MAP1A: variants seen among roughly 807,000 people sequenced by gnomAD.
MAP1A encodes the protein microtubule-associated protein 1A.
MAP1A carries 42 observed loss-of-function variants against 185.9 expected under a neutral mutation model. That is an observed-to-expected ratio of 0.23 (90% CI 0.18 to 0.29). The LOEUF is 0.29. Among genes scored for constraint, MAP1A ranks in the 10% least tolerant of loss-of-function variants. The pLI is 1.00. For synonymous variants in MAP1A, 1,229 were observed against 1,335.9 expected (o/e 0.92, Z 1.74); for missense variants, 2,995 against 3,450.4 (o/e 0.87, Z 3.31).
In MAP1A at chr15:43,525,795, A is replaced by G; in HGVS notation, c.4322A>G (p.Lys1441Arg). The change falls in exon 4 of 6, where the codon AAG becomes AGG. Residue 1441 changes from lysine to arginine, a missense_variant. Transcript: ENST00000300231. ...GACAAAGACTTAGAAGAAAAAGACA[A>G]GGCCCTGGAACAGAAGGATAAGATT... Reference protein sequence around the residue: ...PKDKDLEEKDKALEQKDKIPE... With the variant: ...PKDKDLEEKDRALEQKDKIPE... The G allele has an allele frequency of 1.9e-6, 3 of 1,613,976 alleles. No individual in the cohort carries two copies. The highest frequency in any genetic ancestry group is 2.5e-6 in the Non-Finnish European group (3 of 1,179,996).
Position 43,526,283 on chromosome 15 carries a change from G to A in MAP1A, c.4810G>A (p.Val1604Ile). 1 of 1,614,154 alleles carries A rather than the reference G, an allele frequency of 6.2e-7. No homozygotes were observed. Among genetic ancestry groups the A allele is most frequent in the Non-Finnish European group, 8.5e-7 (1 of 1,180,030 alleles). ...KMLEEKSPEKVKAMEEKLEAL... is the reference protein window; with the variant it reads ...KMLEEKSPEKIKAMEEKLEAL... ...GCTAGAGGAAAAATCCCCAGAAAAGGTCAAGGCCATGGAAGAGAAGTTAGA... is the reference window on the plus strand; with the variant it reads ...GCTAGAGGAAAAATCCCCAGAAAAGATCAAGGCCATGGAAGAGAAGTTAGA... Residue 1604 changes from valine to isoleucine, a missense_variant, in exon 4 of 6, where the codon GTC becomes ATC. By Grantham distance (29) the Val-to-Ile change is conservative (BLOSUM62 3). This residue lies in a region of MAP1A where 2,728 missense variants were observed against 2,986.0 expected (regional missense o/e 0.91). Transcript: ENST00000300231. This position sits in a 1 kb window ranked among gnomAD's most constrained non-coding sequence, Gnocchi z 4.7.
rs2079370352 is a variant in MAP1A, at chr15:43,531,213, T to C, written c.*989T>C. On this transcript the variant is annotated 3_prime_UTR_variant, in exon 6 of 6. Transcript: ENST00000300231. ...ACTGGCTGCCTCTCCAAACCCGCTC[T>C]TGGACAGAGGATCTGGGAGGTGGAA... The C allele has an allele frequency of 6.6e-6, 1 of 152,652 alleles. No homozygotes were observed. Among genetic ancestry groups the C allele is most frequent in the African/African-American group, 2.4e-5 (1 of 41,430 alleles). 9.5% of individuals were successfully genotyped at this position (152,652 alleles called of 1,614,324 possible). A position where few individuals can be genotyped will look rare whatever the true frequency, so the allele number is the denominator to read the frequency against.
In MAP1A at chr15:43,528,315, C is replaced by T. The variant is rs201617193; in HGVS notation, c.6842C>T (p.Ala2281Val). The change falls in exon 4 of 6, where the codon GCT becomes GTT. Residue 2281 changes from alanine to valine, a missense_variant. Physicochemically the swap from Ala to Val is moderately conservative, Grantham distance 64. This residue lies in a region of MAP1A where 2,728 missense variants were observed against 2,986.0 expected (regional missense o/e 0.91). Coordinates refer to ENST00000300231, the MANE Select transcript of MAP1A (RefSeq NM_002373.6). The part of the protein sequence containing the change: ...VAERFSPSLE[A>V]AEQESGELDP... ...GAGCGCTTCTCTCCAAGCCTTGAGG[C>T]TGCAGAACAGGAGTCTGGAGAGCTG... 2.3e-5 allele frequency: 37 copies of T among 1,614,124 alleles called. No individual in the cohort carries two copies. In the East Asian group the frequency reaches 7.8e-4, roughly 34 times the overall value.
chr15:43,523,140 A>G lies in MAP1A; in HGVS notation c.1667A>G (p.Asp556Gly). ...GAACAAAGGGACACAGGACTAGGAG[A>G]TAAGCCATTCCCTCTAGACACTGCA... ...LAEQRDTGLGDKPFPLDTAEE... is the reference protein window; with the variant it reads ...LAEQRDTGLGGKPFPLDTAEE... Residue 556 changes from aspartate to glycine, a missense_variant, in exon 4 of 6, where the codon GAT (aspartate) becomes GGT (glycine). By Grantham distance (94) the Asp-to-Gly change is moderately conservative (BLOSUM62 -1). Coordinates refer to ENST00000300231, the MANE Select transcript of MAP1A (RefSeq NM_002373.6). 6.2e-7 allele frequency: 1 copy of G among 1,614,160 alleles called. No individual in the cohort carries two copies. The highest frequency in any genetic ancestry group is 8.5e-7 in the Non-Finnish European group (1 of 1,180,032).
chr15:43,515,227 A>T (rs965523217), upstream of MAP1A, among the ~76,000 whole-genome samples: 4 of 152,098 alleles, frequency 2.6e-5, no homozygotes, highest in African/African-American at 9.7e-5. Context: ...AATAAATAAA[A>T]ATACAGGCTG....
Position 43,529,360 on chromosome 15 carries a change from A to T in MAP1A, c.7887A>T (p.Ser2629=). The part of the protein sequence containing the change: ...ARRLDLRGKR[S]PTPGKGPADR... ...GTCTGGATCTTCGGGGAAAACGCTC[A>T]CCCACCCCTGGTAAAGGGCCTGCAG... The change falls in exon 4 of 6, where the codon TCA becomes TCT. Residue 2629 remains serine (S), a synonymous_variant. Transcript: ENST00000300231. The surrounding 1 kb of genome is among the most constrained non-coding windows in gnomAD (Gnocchi z 4.3). The T allele has an allele frequency of 6.2e-7, 1 of 1,613,776 alleles. No individual in the cohort carries two copies. The highest frequency in any genetic ancestry group is 1.1e-5 in the South Asian group (1 of 91,068).
Position 43,529,269 on chromosome 15 carries a change from A to G in MAP1A, c.7796A>G (p.Glu2599Gly). ...AGAGTAGAGAGGCTACGGGAGAAGG[A>G]AAAGGTTCAGGGGCGAGTAGGGCGC... Reference protein sequence around the residue: ...SGRVERLREKEKVQGRVGRRA... With the variant: ...SGRVERLREKGKVQGRVGRRA... The change falls in exon 4 of 6, where the codon GAA (glutamate) becomes GGA (glycine). Residue 2599 changes from glutamate to glycine, a missense_variant. Coordinates refer to ENST00000300231, the MANE Select transcript of MAP1A (RefSeq NM_002373.6). This position sits in a 1 kb window ranked among gnomAD's most constrained non-coding sequence, Gnocchi z 4.3. 6.2e-7 allele frequency: 1 copy of G among 1,610,076 alleles called. No homozygotes were observed. Among genetic ancestry groups the G allele is most frequent in the South Asian group, 1.1e-5 (1 of 90,920 alleles).
At position 43,530,065 on chromosome 15, in the gene MAP1A, C is replaced by G; in HGVS notation, c.8257-4C>G. ...ACATCAGACATATCTTATCTCCCTT[C>G]TAGGTGACTCTGATCCCTACTCATG... On this transcript the variant is annotated splice_region_variant and splice_polypyrimidine_tract_variant and intron_variant, in intron 5 of 5. Coordinates refer to ENST00000300231, the MANE Select transcript of MAP1A (RefSeq NM_002373.6). The G allele has an allele frequency of 1.2e-6, 2 of 1,614,020 alleles. No individual in the cohort carries two copies. The highest frequency in any genetic ancestry group is 2.7e-5 in the African/African-American group (2 of 75,062).
Position 43,525,090 on chromosome 15 carries a change from A to G in MAP1A, c.3617A>G (p.Lys1206Arg). 1 of 1,614,200 alleles carries G rather than the reference A, an allele frequency of 6.2e-7. No individual in the cohort carries two copies. The change falls in exon 4 of 6, where the codon AAG becomes AGG. Residue 1206 changes from lysine to arginine, a missense_variant. Transcript: ENST00000300231. ...TCTCTGTCAGAAGAGAGTCCCAGCA[A>G]GGAGACCTCCCTGGATGTCTCTTCT... ...SLSLSEESPS[K>R]ETSLDVSSKQ...
chr15:43,512,829 G>A (rs1316361975), upstream of MAP1A, among the ~76,000 whole-genome samples: 1 of 152,196 alleles, frequency 6.6e-6, no homozygotes, highest in Non-Finnish European at 1.5e-5. Flanking sequence ...CAAATCCAGA[G>A]TGGAAGGAGG....
chr15:43,511,059 G>C (rs1278640225), exon 1 of MAP1A: 12 of 1,549,292 alleles, frequency 7.7e-6, no homozygotes, highest in Non-Finnish European at 1.0e-5. Flanking sequence ...CTGGGGCTCC[G>C]AAGTCCCGGC....
Position 43,526,904 on chromosome 15 carries a change from C to T in MAP1A, c.5431C>T (p.Pro1811Ser), listed in dbSNP as rs1226620379. The T allele has an allele frequency of 6.2e-7, 1 of 1,613,998 alleles. No homozygotes were observed. The highest frequency in any genetic ancestry group is 8.5e-7 in the Non-Finnish European group (1 of 1,180,018). The change falls in exon 4 of 6, where the codon CCT becomes TCT. Residue 1811 changes from proline (P) to serine (S), a missense_variant. Pro to Ser is a moderately conservative substitution (Grantham distance 74, BLOSUM62 -1). Coordinates refer to ENST00000300231, the MANE Select transcript of MAP1A (RefSeq NM_002373.6). The surrounding 1 kb of genome is among the most constrained non-coding windows in gnomAD (Gnocchi z 4.7). The stretch of plus-strand genomic sequence containing the variant: ...ACCTGAGATGGTTGGACAAAGGGTT[C>T]CTTCAGCCCCAGGACAAGAGAGTCC... The part of the protein sequence containing the change: ...SPPEMVGQRV[P>S]SAPGQESPIP...
chr15:43,526,479 C>G lies in MAP1A; in HGVS notation c.5006C>G (p.Pro1669Arg). 2 of 1,614,028 alleles carry G rather than the reference C, an allele frequency of 1.2e-6. No homozygotes were observed. Among genetic ancestry groups the G allele is most frequent in the Non-Finnish European group, 1.7e-6 (2 of 1,180,002 alleles). Residue 1669 changes from proline (P) to arginine (R), a missense_variant, in exon 4 of 6, where the codon CCG (proline) becomes CGG (arginine). Physicochemically the swap from Pro to Arg is moderately radical, Grantham distance 103. Transcript: ENST00000300231. This position sits in a 1 kb window ranked among gnomAD's most constrained non-coding sequence, Gnocchi z 4.7. ...EPAGEQKELAPAWEDTSPEQD... is the reference protein window; with the variant it reads ...EPAGEQKELARAWEDTSPEQD... ...GCTGGAGAACAGAAAGAGCTTGCCCCGGCATGGGAGGACACATCTCCTGAG... is the reference window on the plus strand; with the variant it reads ...GCTGGAGAACAGAAAGAGCTTGCCCGGGCATGGGAGGACACATCTCCTGAG...
intron 1 of MAP1A, among the ~76,000 whole-genome samples, chr15:43,512,035 C>T (rs2079281840): frequency 6.6e-6 from 1 of 152,214 alleles, no homozygotes; most frequent in Non-Finnish European, 1.5e-5. Context: ...CATTACTAGC[C>T]ACCTTTCTTT....
Position 43,524,794 on chromosome 15 carries a change from G to A in MAP1A, c.3321G>A (p.Glu1107=). ...AIVFEIMEAG[E]PTGPILGAEA... ...TCTTTGAGATTATGGAGGCAGGAGA[G>A]CCCACAGGCCCAATTCTGGGAGCAG... The change falls in exon 4 of 6, where the codon GAG becomes GAA. Residue 1107 remains glutamate (E), a synonymous_variant. Coordinates refer to ENST00000300231, the MANE Select transcript of MAP1A (RefSeq NM_002373.6). 1 of 1,614,174 alleles carries A rather than the reference G, an allele frequency of 6.2e-7. No homozygotes were observed. The highest frequency in any genetic ancestry group is 8.5e-7 in the Non-Finnish European group (1 of 1,180,034).
In MAP1A at chr15:43,530,511, G is replaced by A; in HGVS notation, c.*287G>A. On this transcript the variant is annotated 3_prime_UTR_variant, in exon 6 of 6. Coordinates refer to ENST00000300231, the MANE Select transcript of MAP1A (RefSeq NM_002373.6). ...CCCTCTCCTAGCACTGTCAAATGCT[G>A]GTATTGAATGGGGACTGAGGATGGG... 1 of 369,910 alleles carries A rather than the reference G, an allele frequency of 2.7e-6. No individual in the cohort carries two copies. The highest frequency in any genetic ancestry group is 4.9e-6 in the Non-Finnish European group (1 of 202,980). The allele number at this position is 369,910 out of a possible 1,614,324, so 22.9% of individuals were successfully genotyped here. A position where few individuals can be genotyped will look rare whatever the true frequency, so the allele number is the denominator to read the frequency against.
rs770302725 is a variant in MAP1A, at chr15:43,522,911, G to A, written c.1438G>A (p.Val480Ile). Residue 480 changes from valine to isoleucine, a missense_variant, in exon 4 of 6, where the codon GTC becomes ATC. Transcript: ENST00000300231. This position sits in a 1 kb window ranked among gnomAD's most constrained non-coding sequence, Gnocchi z 5.9. ...ACGTAAGACCCTCTATAAAGCCAAG[G>A]TCCCTGGAAGAGTCAAAATAGACAG... ...EVRKTLYKAK[V>I]PGRVKIDRSR... is the part of the protein sequence containing the mutation. 5 of 1,613,408 alleles carry A rather than the reference G, an allele frequency of 3.1e-6. No homozygotes were observed. The highest frequency in any genetic ancestry group is 4.2e-6 in the Non-Finnish European group (5 of 1,179,688).
Position 43,529,866 on chromosome 15 carries a change from T to C in MAP1A, c.8252T>C (p.Leu2751Pro), listed in dbSNP as rs1566979824. 1 of 1,613,002 alleles carries C rather than the reference T, an allele frequency of 6.2e-7. No homozygotes were observed. The highest frequency in any genetic ancestry group is 1.7e-5 in the Admixed American group (1 of 59,978). ...GGCAAGGCCCAGTGGGGGGAGAATCTTCAGGTGAGTAGCAAAGGACACCAA... is the reference window on the plus strand; with the variant it reads ...GGCAAGGCCCAGTGGGGGGAGAATCCTCAGGTGAGTAGCAAAGGACACCAA... ...LEGKAQWGEN[L>P]QVTLIPTHDT... The change falls in exon 5 of 6, where the codon CTT becomes CCT. Residue 2751 changes from leucine (L) to proline (P), a missense_variant. Transcript: ENST00000300231. This position sits in a 1 kb window ranked among gnomAD's most constrained non-coding sequence, Gnocchi z 4.3.
Position 43,521,586 on chromosome 15 carries a change from C to G in MAP1A, c.113C>G (p.Pro38Arg). 1 of 1,614,174 alleles carries G rather than the reference C, an allele frequency of 6.2e-7. No individual in the cohort carries two copies. The highest frequency in any genetic ancestry group is 8.5e-7 in the Non-Finnish European group (1 of 1,180,040). The change falls in exon 4 of 6, where the codon CCT (proline) becomes CGT (arginine). Residue 38 changes from proline to arginine, a missense_variant. Transcript: ENST00000300231. The surrounding 1 kb of genome is among the most constrained non-coding windows in gnomAD (Gnocchi z 4.6). Reference sequence around the variant, plus strand: ...GGGGGCTTCCTCAAGCTCTCCAAGCCTTGTTGCTACATCTTCCCAGGTGGT... The same window carrying G: ...GGGGGCTTCCTCAAGCTCTCCAAGCGTTGTTGCTACATCTTCCCAGGTGGT... The part of the protein sequence containing the change: ...TSGGFLKLSK[P>R]CCYIFPGGRG...
Sources: gnomAD v4.1 joint callset for allele counts (sites outside exome capture counted in the v4.1 genomes callset) on GRCh38, gnomAD v4.1.1 for gene constraint, gnomAD v4.1.1 regional missense constraint, Gnocchi (gnomAD v3.1) non-coding constraint, MANE v1.5 for transcripts, NCBI Gene and HGNC (gene_info 2026-07-23, HGNC 2026-07-21) for gene names.